Variants in XPOT observed in about 807,000 individuals in gnomAD.
The protein encoded by XPOT is exportin-T.
A neutral mutation model predicts 128.2 loss-of-function variants in XPOT; 34 were observed. The observed-to-expected ratio is 0.27, with a 90% CI of 0.20 to 0.35. The LOEUF (loss-of-function observed/expected upper bound fraction) is 0.35, where lower values mean the gene tolerates loss of function less well. XPOT is among the 10% of genes least tolerant of loss of function. XPOT has a pLI of 1.00. For missense variants in XPOT, 838 were observed against 1,125.3 expected (o/e 0.74, Z 3.65); for synonymous variants, 348 against 394.3 (o/e 0.88, Z 1.39).
intron 9 of XPOT, 27 bp downstream of exon 9, chr12:64,421,498 T>C (rs369682295): frequency 6.7e-7 from 1 of 1,488,816 alleles, no homozygotes; most frequent in Non-Finnish European, 9.4e-7. Context: ...TTCTTTTTGC[T>C]CAATACATAA....
At chr12:64,437,268 G>T (rs1429226712) in intron 22 of XPOT, among the ~76,000 whole-genome samples, 1 of 152,202 alleles carries the variant, frequency 6.6e-6, no homozygotes, top group Non-Finnish European at 1.5e-5. Flanking sequence ...TCAGAATCAA[G>T]GGAGACCAAC....
chr12:64,439,062 T>TA (rs1318832907), intron 22 of XPOT, among the ~76,000 whole-genome samples, 182 bp from the exon 23 acceptor site: 2 of 152,188 alleles, frequency 1.3e-5, no homozygotes, highest in African/African-American at 4.8e-5. Context: ...ACCCAGAACT[T>TA]AAAGTATAAT....
chr12:64,440,029 T>C (rs2040312307), intron 23 of XPOT, among the ~76,000 whole-genome samples: 1 of 152,228 alleles, frequency 6.6e-6, no homozygotes, highest in South Asian at 2.1e-4. Flanking sequence ...GTATTATTAA[T>C]TATAGGGACA....
chr12:64,416,389 CT>C (rs2040087609), intron 3 of XPOT, among the ~76,000 whole-genome samples: 1 of 152,190 alleles, frequency 6.6e-6, no homozygotes, highest in Admixed American at 6.5e-5. Flanking sequence ...TTCCAGGAAT[CT>C]TAATATCTGG....
In XPOT at chr12:64,439,338, G is replaced by T. The variant is rs752545218; in HGVS notation, c.2805+23G>T. The T allele has an allele frequency of 3.7e-6, 6 of 1,602,758 alleles. No homozygotes were observed. The East Asian group carries it at 1.3e-4, about 36-fold the overall frequency. ...CAGGTAAGAGCTATTTCTTACCATT[G>T]TGTAGGCGAGAGATCACAGTAGTAG... On this transcript the variant is annotated intron_variant, in intron 23 of 24. Coordinates refer to ENST00000332707, the MANE Select transcript of XPOT (RefSeq NM_007235.6).
Position 64,421,447 on chromosome 12 carries a change from C to A in XPOT, c.1056C>A (p.Tyr352Ter). The A allele has an allele frequency of 6.2e-7, 1 of 1,611,558 alleles. No individual in the cohort carries two copies. The highest frequency in any genetic ancestry group is 8.5e-7 in the Non-Finnish European group (1 of 1,177,892). ...CTTCTAATATTATTGGATTTTGTTA[C>A]GATTATCTTCATATTTTGAAACAGG... ...DISSNIIGFC[Y>*]DYLHILKQLT... The change falls in exon 9 of 25, where the codon TAC (tyrosine) becomes TAA (stop). Residue 352 changes from tyrosine to a stop codon, truncating the protein, a stop_gained. Transcript: ENST00000332707. LOFTEE classifies it high-confidence loss of function.
intron 3 of XPOT, 123 bp from the exon 4 acceptor site, chr12:64,416,575 T>C (rs1293876356): frequency 2.8e-6 from 2 of 709,100 alleles, no homozygotes; most frequent in Non-Finnish European, 4.8e-6. Context: ...CCAGTAAGTA[T>C]GAAACAAGCC....
intron 24 of XPOT, among the ~76,000 whole-genome samples, chr12:64,446,521 A>G (rs1235657745): frequency 6.6e-6 from 1 of 152,128 alleles, no homozygotes; most frequent in East Asian, 1.9e-4. Context: ...CTCTTGTTCT[A>G]GCCAGGCTGA....
chr12:64,409,956 TGGCAGA>T lies in XPOT; in HGVS notation c.-74-5_-74del. 1 of 1,160,476 alleles carries T rather than the reference TGGCAGA, an allele frequency of 8.6e-7. No individual in the cohort carries two copies. The highest frequency in any genetic ancestry group is 1.3e-6 in the Non-Finnish European group (1 of 778,734). 71.9% of individuals were successfully genotyped at this position (1,160,476 alleles called of 1,614,324 possible). On this transcript the variant is annotated splice_acceptor_variant and splice_polypyrimidine_tract_variant and 5_prime_UTR_variant and intron_variant, in exon 2 of 25. Coordinates refer to ENST00000332707, the MANE Select transcript of XPOT (RefSeq NM_007235.6). LOFTEE classifies it low-confidence loss of function (5UTR_SPLICE). The stretch of plus-strand genomic sequence containing the variant: ...TGTTTTCTTTCAACTTTGTTTTTTG[TGGCAGA>T]TGTTTATAAATTCTTCTGTGGGATC...
At chr12:64,425,574 G>C (rs955236862) in intron 14 of XPOT, 117 bp downstream of exon 14, 27 of 1,338,020 alleles carry the variant, frequency 2.0e-5, no homozygotes, top group Non-Finnish European at 1.0e-6. Context: ...AGAAGTGCTT[G>C]GCACACACTG....
chr12:64,408,018 G>A (rs2039999358), intron 1 of XPOT, among the ~76,000 whole-genome samples: 1 of 152,114 alleles, frequency 6.6e-6, no homozygotes, highest in Non-Finnish European at 1.5e-5. Flanking sequence ...CCCTACCCCT[G>A]CTATTCCCAA....
chr12:64,421,523 G>A (rs1442193799), intron 9 of XPOT, 52 bp downstream of exon 9: 1 of 1,248,836 alleles, frequency 8.0e-7, no homozygotes, highest in South Asian at 1.3e-5. Flanking sequence ...AAGGAGCCAT[G>A]GAGAAGTGGA....
At chr12:64,446,765 G>T (rs2040370305) in intron 24 of XPOT, among the ~76,000 whole-genome samples, 1 of 151,852 alleles carries the variant, frequency 6.6e-6, no homozygotes, top group Non-Finnish European at 1.5e-5. Flanking sequence ...CATTTCTCTA[G>T]GTTTGCCTTA....
At position 64,438,832 on chromosome 12, in the gene XPOT, G is replaced by C. The variant is rs144801797; in HGVS notation, c.2734-412G>C. Among the ~76,000 whole-genome samples, 473 of 152,158 alleles carry C rather than the reference G, an allele frequency of 3.1e-3. 5 individuals carry two copies. The highest frequency in any genetic ancestry group is 0.011 in the African/African-American group (453 of 41,514). ...TTTGGTAGAAACAGGGTTTCACCAT[G>C]TTGGCCACACTGGTCTCGAACTCTT... On this transcript the variant is annotated intron_variant, in intron 22 of 24. Transcript: ENST00000332707.
intron 22 of XPOT, among the ~76,000 whole-genome samples, chr12:64,437,166 C>T (rs950557697): frequency 2.0e-5 from 3 of 152,154 alleles, no homozygotes; most frequent in Admixed American, 2.0e-4. Context: ...TTCTTCTATA[C>T]TTGCTACCTG....
intron 18 of XPOT, among the ~76,000 whole-genome samples, chr12:64,432,076 G>A (rs777413729): frequency 2.6e-5 from 4 of 152,116 alleles, no homozygotes; most frequent in Admixed American, 1.3e-4. Flanking sequence ...CTAGTCTGCT[G>A]TTTTAGAAGA....
intron 2 of XPOT, 104 bp from the exon 3 acceptor site, chr12:64,414,803 A>G (rs2040072517): frequency 3.0e-6 from 2 of 663,046 alleles, no homozygotes. Context: ...TATTAAGTTT[A>G]CTGATTTGTT....
At chr12:64,424,846 C>G in intron 12 of XPOT, 123 bp downstream of exon 12, 2 of 1,387,528 alleles carry the variant, frequency 1.4e-6, no homozygotes, top group Non-Finnish European at 2.0e-6. Flanking sequence ...ATGTGTATCT[C>G]TGGAAACAAT....
intron 11 of XPOT, among the ~76,000 whole-genome samples, chr12:64,423,589 G>A (rs1430324712): frequency 6.6e-6 from 1 of 152,074 alleles, no homozygotes; most frequent in Non-Finnish European, 1.5e-5. Flanking sequence ...TAGTAGCTGG[G>A]ATTACAGGCA....
Sources: allele counts gnomAD v4.1 joint callset (sites outside exome capture counted in the v4.1 genomes callset), GRCh38; gene constraint gnomAD v4.1.1; transcripts MANE v1.5; gene names NCBI Gene and HGNC (gene_info 2026-07-23, HGNC 2026-07-21).